Variants in EGF observed in about 807,000 individuals in gnomAD.
EGF encodes epidermal growth factor, also known as pro-epidermal growth factor.
EGF carries 95 observed loss-of-function variants against 143.8 expected under a neutral mutation model. The observed-to-expected ratio is 0.66, with a 90% CI of 0.56 to 0.78. The LOEUF (loss-of-function observed/expected upper bound fraction) is 0.78, where lower values mean the gene tolerates loss of function less well. Among genes scored for constraint, EGF ranks in the 30% least tolerant of loss-of-function variants. The pLI, the probability that EGF is intolerant of heterozygous loss-of-function variation, is 0.00. For missense variants in EGF, 1,320 were observed against 1,470.9 expected (o/e 0.90, Z 1.68); for synonymous variants, 510 against 510.5 (o/e 1.00, Z 0.01).
intron 20 of EGF, among the ~76,000 whole-genome samples, chr4:109,997,214 G>T (rs144020310): frequency 0.011 from 1,680 of 152,206 alleles, 23 homozygotes; most frequent in Non-Finnish European, 0.018. Context: ...AGATGAGCCA[G>T]TTAATTGATC....
At position 109,976,135 on chromosome 4, in the gene EGF, C is replaced by T; in HGVS notation, c.1953C>T (p.Phe651=). ...GGCCCAGTGGAATAACGATTGACTTCTTAACTGACAAGTTGTACTGGTGCG... is the reference window on the plus strand; with the variant it reads ...GGCCCAGTGGAATAACGATTGACTTTTTAACTGACAAGTTGTACTGGTGCG... The part of the protein sequence containing the change: ...LIWPSGITID[F]LTDKLYWCDA... The change falls in exon 13 of 24, where the codon TTC becomes TTT. Residue 651 remains phenylalanine, a synonymous_variant. Coordinates refer to ENST00000265171, the MANE Select transcript of EGF (RefSeq NM_001963.6). 2.5e-6 allele frequency: 4 copies of T among 1,614,172 alleles called. No homozygotes were observed. The highest frequency in any genetic ancestry group is 3.4e-6 in the Non-Finnish European group (4 of 1,180,022).
Position 109,968,933 on chromosome 4 carries a change from T to A in EGF, c.1576-38T>A, listed in dbSNP as rs41475346. 5,882 of 1,605,502 alleles carry A rather than the reference T, an allele frequency of 3.7e-3. 128 individuals are homozygous for A. The African/African-American group carries it at 0.055, about 15-fold the overall frequency. On this transcript the variant is annotated intron_variant, in intron 10 of 23. Coordinates refer to ENST00000265171, the MANE Select transcript of EGF (RefSeq NM_001963.6). ...ATTTGTATATATTCCACATTAGTTT[T>A]AAAAAAAAATCAGAAATGCCTGTGT...
chr4:109,939,030 G>A (rs991564399), intron 1 of EGF, among the ~76,000 whole-genome samples: 3 of 152,220 alleles, frequency 2.0e-5, no homozygotes, highest in Non-Finnish European at 2.9e-5. Context: ...ACGCTGTGCT[G>A]GGAGAACCAC....
intron 21 of EGF, chr4:110,001,932 T>A: frequency 1.0e-6 from 1 of 985,418 alleles, no homozygotes; most frequent in Non-Finnish European, 1.2e-6. Context: ...CCTGCTTACC[T>A]CTCCGCAAAG....
At chr4:110,002,447 T>A (rs1324841674) in intron 21 of EGF, among the ~76,000 whole-genome samples, 1 of 152,160 alleles carries the variant, frequency 6.6e-6, no homozygotes, top group Non-Finnish European at 1.5e-5. Context: ...AAGCCGTGAT[T>A]GCACCACTGC....
At position 109,993,237 on chromosome 4, in the gene EGF, T is replaced by C. The variant is rs769171538; in HGVS notation, c.2735-10T>C. The stretch of plus-strand genomic sequence containing the variant: ...CACTTTTCTCTCCCGTACTCTGTCT[T>C]TTCTGACAGATATTGATGAGTGCCA... On this transcript the variant is annotated splice_polypyrimidine_tract_variant and intron_variant, in intron 18 of 23. Coordinates refer to ENST00000265171, the MANE Select transcript of EGF (RefSeq NM_001963.6). 1.9e-6 allele frequency: 3 copies of C among 1,613,596 alleles called. No homozygotes were observed. The East Asian group carries it at 6.7e-5, about 36-fold the overall frequency.
chr4:109,943,847 T>C lies in EGF; in HGVS notation c.515T>C (p.Ile172Thr). Residue 172 changes from isoleucine (I) to threonine (T), a missense_variant, in exon 4 of 24, where the codon ATA (isoleucine) becomes ACA (threonine). This residue lies in a region of EGF where 1,186 missense variants were observed against 1,313.7 expected (regional missense o/e 0.90). Coordinates refer to ENST00000265171, the MANE Select transcript of EGF (RefSeq NM_001963.6). ...TGTAATGTGTTTGCCCTCAGGTTTA[T>C]ATTTTGGTCTTCAGAGGTGGCTGGA... ...NVAVDPVERF[I>T]FWSSEVAGSL... 6.2e-7 allele frequency: 1 copy of C among 1,614,146 alleles called. No individual in the cohort carries two copies. Among genetic ancestry groups the C allele is most frequent in the Non-Finnish European group, 8.5e-7 (1 of 1,179,978 alleles).
At chr4:109,984,028 G>C (rs1193913103) in intron 16 of EGF, among the ~76,000 whole-genome samples, 1 of 152,172 alleles carries the variant, frequency 6.6e-6, no homozygotes, top group East Asian at 1.9e-4. Context: ...GCCAAATCAT[G>C]TGTTCAGTAT....
chr4:110,004,957 G>C (rs1485445945), intron 22 of EGF, among the ~76,000 whole-genome samples: 1 of 149,752 alleles, frequency 6.7e-6, no homozygotes, highest in African/African-American at 2.4e-5. Context: ...ATACATTCCA[G>C]ATACATGTCT....
At chr4:109,926,465 C>T (rs1354018908) in intron 1 of EGF, among the ~76,000 whole-genome samples, 1 of 151,810 alleles carries the variant, frequency 6.6e-6, no homozygotes, top group Admixed American at 6.6e-5. Context: ...CGCCATTCTC[C>T]TGCCTCAGCC....
intron 1 of EGF, among the ~76,000 whole-genome samples, chr4:109,915,919 G>T (rs949802274): frequency 6.6e-6 from 1 of 152,106 alleles, no homozygotes; most frequent in East Asian, 1.9e-4. Context: ...TTTTAACTGA[G>T]TATTCTGTTA....
At chr4:109,995,706 A>G (rs929914590) in intron 20 of EGF, among the ~76,000 whole-genome samples, 9 of 152,230 alleles carry the variant, frequency 5.9e-5, no homozygotes, top group Non-Finnish European at 1.2e-4. Flanking sequence ...CTCCTGATCC[A>G]TTGATAATTT....
At chr4:109,964,596 T>C in intron 10 of EGF, 59 bp downstream of exon 10, 1 of 1,609,888 alleles carries the variant, frequency 6.2e-7, no homozygotes, top group East Asian at 2.2e-5. Context: ...TAGAGGATTT[T>C]ATCCTAACAA....
chr4:109,994,322 C>T (rs557181873), intron 19 of EGF, among the ~76,000 whole-genome samples: 23 of 152,124 alleles, frequency 1.5e-4, no homozygotes, highest in East Asian at 3.9e-4. Context: ...TTGGAGGTAA[C>T]GGACTGCACA....
chr4:109,915,511 T>C (rs1211038493), intron 1 of EGF, among the ~76,000 whole-genome samples: 1 of 152,164 alleles, frequency 6.6e-6, no homozygotes, highest in Non-Finnish European at 1.5e-5. Context: ...GGATGGCACT[T>C]TGGGATTCCC....
chr4:109,946,511 C>A (rs1742891373), intron 5 of EGF, among the ~76,000 whole-genome samples: 1 of 152,138 alleles, frequency 6.6e-6, no homozygotes, highest in African/African-American at 2.4e-5. Context: ...GATAGGTCTT[C>A]TGTGATAAGC....
At position 109,968,984 on chromosome 4, in the gene EGF, A is replaced by G; in HGVS notation, c.1589A>G (p.His530Arg). Reference protein sequence around the residue: ...DPVENKIYFAHTALKWIERAN... With the variant: ...DPVENKIYFARTALKWIERAN... ...TCTCTTTTGTAGATATACTTTGCCC[A>G]TACAGCCCTGAAGTGGATAGAGAGA... Residue 530 changes from histidine to arginine, a missense_variant, in exon 11 of 24, where the codon CAT (histidine) becomes CGT (arginine). Coordinates refer to ENST00000265171, the MANE Select transcript of EGF (RefSeq NM_001963.6). 1 of 1,614,182 alleles carries G rather than the reference A, an allele frequency of 6.2e-7. No individual in the cohort carries two copies. The highest frequency in any genetic ancestry group is 2.2e-5 in the East Asian group (1 of 44,876).
At chr4:109,977,201 G>A (rs923558500) in intron 13 of EGF, 16 of 152,154 alleles carry the variant, frequency 1.1e-4, no homozygotes, top group Admixed American at 8.5e-4. Context: ...AAGATGCTTT[G>A]GAGAGTTAGA....
Position 110,004,613 on chromosome 4 carries a change from TC to T in EGF, c.3283del (p.Gln1095AsnfsTer7), listed in dbSNP as rs1415035663. On this transcript the variant is annotated frameshift_variant, in exon 22 of 24. Coordinates refer to ENST00000265171, the MANE Select transcript of EGF (RefSeq NM_001963.6). LOFTEE classifies it high-confidence loss of function. The part of the protein sequence containing the change: ...DTEDGMSSCP[Q>X]PWFVVIKEHQ... ...CTGAGGATGGGATGTCCTCTTGCCC[TC>T]AACCTTGGGTAATGTGACCAAAGCA... The T allele has an allele frequency of 6.2e-7, 1 of 1,613,866 alleles. No homozygotes were observed. Among genetic ancestry groups the T allele is most frequent in the Non-Finnish European group, 8.5e-7 (1 of 1,179,788 alleles).
Sources: gnomAD v4.1 joint callset for allele counts (sites outside exome capture counted in the v4.1 genomes callset) on GRCh38, gnomAD v4.1.1 for gene constraint, gnomAD v4.1.1 regional missense constraint, MANE v1.5 for transcripts, NCBI Gene and HGNC (gene_info 2026-07-23, HGNC 2026-07-21) for gene names.